Variants in VPS13A observed in about 807,000 individuals in gnomAD.
VPS13A encodes intermembrane lipid transfer protein VPS13A.
Under a neutral mutation model 390.9 loss-of-function variants are expected in VPS13A, and 264 were observed. The ratio of observed to expected loss-of-function variants is 0.68; its 90% confidence interval spans 0.61 to 0.75. VPS13A has a LOEUF of 0.75. VPS13A is among the 30% of genes least tolerant of loss of function. The probability of loss-of-function intolerance (pLI) is 0.00; values close to 1 mark genes in which losing one functional copy is unlikely to be tolerated. For missense variants in VPS13A, 3,409 were observed against 3,733.9 expected (o/e 0.91, Z 2.27); for synonymous variants, 1,231 against 1,227.1 (o/e 1.00, Z -0.07).
At chr9:77,288,684 A>G (rs1192293526) in intron 31 of VPS13A, among the ~76,000 whole-genome samples, 2 of 152,188 alleles carry the variant, frequency 1.3e-5, no homozygotes, top group Admixed American at 6.5e-5. Flanking sequence ...CAGAACATAT[A>G]TGATTAATCT....
chr9:77,233,957 A>G (rs1288001748), intron 17 of VPS13A, among the ~76,000 whole-genome samples: 3 of 152,154 alleles, frequency 2.0e-5, no homozygotes, highest in Non-Finnish European at 4.4e-5. Context: ...CTCTGCCTAA[A>G]TATTCCTCAT....
At chr9:77,343,483 CTT>C (rs1302372649) in intron 50 of VPS13A, among the ~76,000 whole-genome samples, 1 of 152,194 alleles carries the variant, frequency 6.6e-6, no homozygotes, top group African/African-American at 2.4e-5. Context: ...ATGGAGTTGA[CTT>C]AATAGCTTAC....
In VPS13A at chr9:77,321,519, C is replaced by T. The variant is rs1829748851; in HGVS notation, c.5603C>T (p.Ser1868Leu). 1.2e-6 allele frequency: 2 copies of T among 1,613,476 alleles called. No homozygotes were observed. The highest frequency in any genetic ancestry group is 1.3e-5 in the African/African-American group (1 of 75,018). Reference sequence around the variant, plus strand: ...TTTACAGAAGCTGCCACTGGATCTTCAGCTGACTTCGTAAAGGATCTAGCA... The same window carrying T: ...TTTACAGAAGCTGCCACTGGATCTTTAGCTGACTTCGTAAAGGATCTAGCA... Reference protein sequence around the residue: ...KAFTEAATGSSADFVKDLAPF... With the variant: ...KAFTEAATGSLADFVKDLAPF... Residue 1868 changes from serine to leucine, a missense_variant, in exon 44 of 72, where the codon TCA becomes TTA. Transcript: ENST00000360280.
intron 44 of VPS13A, among the ~76,000 whole-genome samples, chr9:77,322,263 AG>A (rs1486108726): frequency 6.6e-6 from 1 of 151,476 alleles, no homozygotes; most frequent in Non-Finnish European, 1.5e-5. Flanking sequence ...GCTTCCCAAA[AG>A]TTTTTCATTT....
chr9:77,321,072 A>G, intron 42 of VPS13A, 97 bp from the exon 43 acceptor site: 1 of 1,151,950 alleles, frequency 8.7e-7, no homozygotes, highest in South Asian at 1.4e-5. Context: ...TAGAAAAGAT[A>G]AAATGTACTG....
Position 77,260,152 on chromosome 9 carries a change from T to C in VPS13A, c.2355T>C (p.Ile785=). ...TCTCAGATAAAAAACTACAAGGGATTATGGAATTGATTGAAAGCATTCCAA... is the reference window on the plus strand; with the variant it reads ...TCTCAGATAAAAAACTACAAGGGATCATGGAATTGATTGAAAGCATTCCAA... ...LRISDKKLQG[I]MELIESIPKP... Residue 785 remains isoleucine (I), a synonymous_variant, in exon 23 of 72, where the codon ATT becomes ATC. Transcript: ENST00000360280. 6.2e-7 allele frequency: 1 copy of C among 1,605,378 alleles called. No individual in the cohort carries two copies. The highest frequency in any genetic ancestry group is 1.1e-5 in the South Asian group (1 of 90,726).
At chr9:77,377,971 A>C (rs1833199871) in intron 67 of VPS13A, among the ~76,000 whole-genome samples, 1 of 152,216 alleles carries the variant, frequency 6.6e-6, no homozygotes, top group African/African-American at 2.4e-5. Context: ...ACATTAATTG[A>C]GTCAGATCTT....
chr9:77,364,049 G>T (rs888864319), intron 59 of VPS13A, among the ~76,000 whole-genome samples: 2 of 152,176 alleles, frequency 1.3e-5, no homozygotes, highest in Admixed American at 1.3e-4. Context: ...ACAGGCCTGG[G>T]CAAGAGTGAT....
At chr9:77,314,225 T>G in intron 36 of VPS13A, 106 bp downstream of exon 36, 1 of 1,251,974 alleles carries the variant, frequency 8.0e-7, no homozygotes, top group Non-Finnish European at 1.1e-6. Context: ...TTGTAGTATC[T>G]GTCCCTCTGA....
chr9:77,374,450 A>T (rs961959302), intron 67 of VPS13A, among the ~76,000 whole-genome samples: 4 of 152,202 alleles, frequency 2.6e-5, no homozygotes, highest in Admixed American at 6.5e-5. Context: ...GGTGATGTAT[A>T]AAGCATGGAT....
chr9:77,322,418 T>C (rs1829800628), intron 44 of VPS13A, among the ~76,000 whole-genome samples: 1 of 152,000 alleles, frequency 6.6e-6, no homozygotes, highest in Non-Finnish European at 1.5e-5. Context: ...TTTAAAAGAT[T>C]AATTAGACAT....
At chr9:77,388,976 TTATAAA>T (rs1833798758) in intron 68 of VPS13A, among the ~76,000 whole-genome samples, 1 of 152,196 alleles carries the variant, frequency 6.6e-6, no homozygotes, top group Non-Finnish European at 1.5e-5. Context: ...CTTTAGTATT[TTATAAA>T]GATACGAAAT....
intron 23 of VPS13A, among the ~76,000 whole-genome samples, chr9:77,265,391 C>T (rs1825979211): frequency 6.6e-6 from 1 of 152,094 alleles, no homozygotes; most frequent in African/African-American, 2.4e-5. Flanking sequence ...CTCTTTGTGC[C>T]TCTGGTAGAA....
intron 67 of VPS13A, 150 bp from the exon 68 acceptor site, chr9:77,381,826 C>T: frequency 1.7e-6 from 1 of 595,204 alleles, no homozygotes; most frequent in Non-Finnish European, 2.9e-6. Context: ...AGAGAACTTA[C>T]ACTGTTTATG....
At position 77,345,041 on chromosome 9, in the gene VPS13A, C is replaced by T. The variant is rs747802503; in HGVS notation, c.7188C>T (p.Ala2396=). 1.1e-5 allele frequency: 18 copies of T among 1,612,572 alleles called. No individual in the cohort carries two copies. Among genetic ancestry groups the T allele is most frequent in the Middle Eastern group, 1.6e-4 (1 of 6,078 alleles). Reference sequence around the variant, plus strand: ...GTATTATAGCAGAAGTGAATTTGGCCGAGCATTCTACAGTTATTACATTTT... The same window carrying T: ...GTATTATAGCAGAAGTGAATTTGGCTGAGCATTCTACAGTTATTACATTTT... ...LGGIIAEVNL[A]EHSTVITFLD... is the part of the protein sequence containing the mutation. Residue 2396 remains alanine, a synonymous_variant, in exon 52 of 72, where the codon GCC becomes GCT. Coordinates refer to ENST00000360280, the MANE Select transcript of VPS13A (RefSeq NM_033305.3).
intron 71 of VPS13A, among the ~76,000 whole-genome samples, chr9:77,408,106 T>C (rs1047868704): frequency 6.6e-6 from 1 of 152,190 alleles, no homozygotes; most frequent in Admixed American, 6.5e-5. Flanking sequence ...GAAGGTCAAC[T>C]AAGCACAGTT....
intron 71 of VPS13A, among the ~76,000 whole-genome samples, chr9:77,414,111 A>C (rs999231001): frequency 6.6e-6 from 1 of 152,246 alleles, no homozygotes; most frequent in Non-Finnish European, 1.5e-5. Context: ...GAGGATGTGG[A>C]GAAATAGGAA....
chr9:77,356,935 G>A (rs1387593237), intron 55 of VPS13A, 68 bp downstream of exon 55: 5 of 1,556,588 alleles, frequency 3.2e-6, no homozygotes, highest in East Asian at 2.3e-5. Flanking sequence ...AATCACTAGT[G>A]AAATTTAAGG....
rs148099523 is a variant in VPS13A, at chr9:77,257,849, T to C, written c.2289-2237T>C. ...GTTTTGCCCCCTCCAGTTTATCTTA[T>C]TGATGTCCCAGATTATATTTTTATG... On this transcript the variant is annotated intron_variant, in intron 22 of 71. Transcript: ENST00000360280. Among the ~76,000 whole-genome samples, 47 of 152,326 alleles carry C rather than the reference T, an allele frequency of 3.1e-4. 2 individuals carry two copies. In the East Asian group the frequency reaches 9.1e-3, roughly 29 times the overall value.
Sources: gnomAD v4.1 joint callset for allele counts (sites outside exome capture counted in the v4.1 genomes callset) on GRCh38, gnomAD v4.1.1 for gene constraint, MANE v1.5 for transcripts, NCBI Gene and HGNC (gene_info 2026-07-23, HGNC 2026-07-21) for gene names.